The following STXBP2 variants were observed in gnomAD, a reference collection of about 807,000 sequenced individuals.
The protein encoded by STXBP2 is syntaxin-binding protein 2.
In STXBP2, 47 loss-of-function variants were observed where a neutral mutation model predicts 72.2. That is an observed-to-expected ratio of 0.65 (90% CI 0.51 to 0.83). The LOEUF (loss-of-function observed/expected upper bound fraction) is 0.83, where lower values mean the gene tolerates loss of function less well. STXBP2 is among the 40% of genes least tolerant of loss of function. STXBP2 has a pLI of 0.00. For missense variants in STXBP2, 702 were observed against 807.6 expected, an observed-to-expected ratio of 0.87 and a Z score of 1.58; for synonymous variants, 367 against 338.7, an observed-to-expected ratio of 1.08 and a Z score of -0.92.
chr19:7,634,672 T>TA (rs796868414), upstream of STXBP2, among the ~76,000 whole-genome samples: 1 of 151,926 alleles, frequency 6.6e-6, no homozygotes, highest in African/African-American at 2.4e-5. Context: ...GCTGAGCCTT[T>TA]AAAATTTTTT....
At chr19:7,644,435 G>T (rs2032046022) in intron 13 of STXBP2, 179 bp from the exon 14 acceptor site, 3 of 766,576 alleles carry the variant, frequency 3.9e-6, no homozygotes, top group South Asian at 1.7e-5. Context: ...TGGGTGAGGA[G>T]CAGGGCCTGT....
chr19:7,633,538 G>A (rs575143444), upstream of STXBP2: 1 of 1,412,010 alleles, frequency 7.1e-7, no homozygotes, highest in Non-Finnish European at 9.8e-7. Context: ...TCCAGGACGT[G>A]GGGGTGTGGA....
chr19:7,633,893 C>G, upstream of STXBP2: 1 of 172,754 alleles, frequency 5.8e-6, no homozygotes. Context: ...CTGCCACCTG[C>G]AGTCGGTACA....
intron 4 of STXBP2, 177 bp from the exon 5 acceptor site, chr19:7,640,554 C>A (rs1255558216): frequency 6.7e-6 from 5 of 745,540 alleles, no homozygotes; most frequent in Non-Finnish European, 1.2e-5. Flanking sequence ...GTGCGTGCAT[C>A]TGTGTGTGTG....
At chr19:7,631,984 G>T, upstream of STXBP2, 1 of 601,176 alleles carries the variant, frequency 1.7e-6, no homozygotes, top group Non-Finnish European at 2.6e-6. Flanking sequence ...GAGGTGGCAG[G>T]TCTTGGGGCC....
In STXBP2 at chr19:7,642,377, G is replaced by C. The variant is rs758728722; in HGVS notation, c.794+44G>C. On this transcript the variant is annotated intron_variant, in intron 9 of 18. Transcript: ENST00000221283. The surrounding 1 kb of genome is among the most constrained non-coding windows in gnomAD (Gnocchi z 6.0). ...CGTCCCCACCCTTGCCACTGACCTGGTTCCCCAGTCCTCAGCTCCCCTGAC... is the reference window on the plus strand; with the variant it reads ...CGTCCCCACCCTTGCCACTGACCTGCTTCCCCAGTCCTCAGCTCCCCTGAC... The C allele has an allele frequency of 2.5e-6, 4 of 1,613,386 alleles. No individual in the cohort carries two copies. In the South Asian group the frequency reaches 4.4e-5, roughly 18 times the overall value.
chr19:7,640,184 G>A (rs1449702527), intron 4 of STXBP2: 1 of 554,746 alleles, frequency 1.8e-6, no homozygotes, highest in South Asian at 1.5e-5. Flanking sequence ...GTCTGTCTGT[G>A]TGCATGTGTG....
In STXBP2 at chr19:7,641,770, C is replaced by T. The variant is rs2303116; in HGVS notation, c.495C>T (p.Arg165=). The T allele has an allele frequency of 2.9e-3, 4,529 of 1,552,168 alleles. 120 individuals carry two copies. In the East Asian group the frequency reaches 0.053, roughly 18 times the overall value. Residue 165 remains arginine (R), a synonymous_variant, in exon 7 of 19, where the codon CGC becomes CGT. Coordinates refer to ENST00000221283, the MANE Select transcript of STXBP2 (RefSeq NM_006949.4). Reference sequence around the variant, plus strand: ...ACTGCCCCTTCCGGGCAGAGGAGCGCACGCGGCAGCTCGAGGTGCTGGCCC... The same window carrying T: ...ACTGCCCCTTCCGGGCAGAGGAGCGTACGCGGCAGCTCGAGGTGCTGGCCC... ...NLYCPFRAEE[R]TRQLEVLAQQ... is the part of the protein sequence containing the mutation.
intron 4 of STXBP2, chr19:7,640,313 C>A: frequency 2.0e-6 from 1 of 510,558 alleles, no homozygotes; most frequent in Non-Finnish European, 3.7e-6. Context: ...TATGTGTGTG[C>A]ATCTGTGTGT....
chr19:7,632,598 C>T, upstream of STXBP2: 1 of 1,593,330 alleles, frequency 6.3e-7, no homozygotes, highest in Non-Finnish European at 8.5e-7. This position sits in a 1 kb window ranked among gnomAD's most constrained non-coding sequence, Gnocchi z 5.2. Context: ...CACACAGATG[C>T]TTCAGGGTGC....
intron 6 of STXBP2, 125 bp downstream of exon 6, chr19:7,641,128 G>A: frequency 1.0e-6 from 1 of 1,001,728 alleles, no homozygotes; most frequent in Non-Finnish European, 1.5e-6. Context: ...GCTGTGGGAG[G>A]CCAGGGCAGG....
intron 15 of STXBP2, among the ~76,000 whole-genome samples, chr19:7,645,749 T>TC (rs1568470685): frequency 6.6e-6 from 1 of 151,716 alleles, no homozygotes; most frequent in Non-Finnish European, 1.5e-5. Flanking sequence ...GCCCTGTGCG[T>TC]CCCCCTCCAG....
chr19:7,645,921 CCT>C (rs1319993860), intron 15 of STXBP2: 4 of 458,364 alleles, frequency 8.7e-6, no homozygotes, highest in Admixed American at 3.8e-5. Flanking sequence ...TCCCCATCTT[CCT>C]CTCTCTGTTT....
upstream of STXBP2, among the ~76,000 whole-genome samples, chr19:7,634,118 T>G (rs148908352): frequency 0.015 from 2,275 of 152,246 alleles, 24 homozygotes; most frequent in South Asian, 0.041. Context: ...CCACACCACC[T>G]AAATGCCAGG....
intron 15 of STXBP2, chr19:7,645,945 TC>T: frequency 2.0e-6 from 1 of 497,818 alleles, no homozygotes; most frequent in South Asian, 2.4e-5. Context: ...CTGCTTCATC[TC>T]TTGTCTCTCT....
chr19:7,631,541 C>T, the STXBP2 span: 6 of 1,536,070 alleles, frequency 3.9e-6, no homozygotes, highest in Non-Finnish European at 5.2e-6. Context: ...TTCGCGACGC[C>T]CAGCAGAACT....
chr19:7,642,047 A>C lies in STXBP2; in HGVS notation c.592A>C (p.Thr198Pro), dbSNP rs760187284. ...CCTCCCCGCCAGGGGCCCAGAGGAC[A>C]CAGCCCAGTTGGCCCACGCCGTCCT... ...AIRYRKGPEDTAQLAHAVLAK... is the reference protein window; with the variant it reads ...AIRYRKGPEDPAQLAHAVLAK... The change falls in exon 8 of 19, where the codon ACA becomes CCA. Residue 198 changes from threonine (T) to proline (P), a missense_variant. Physicochemically the swap from Thr to Pro is conservative, Grantham distance 38. Coordinates refer to ENST00000221283, the MANE Select transcript of STXBP2 (RefSeq NM_006949.4). This position sits in a 1 kb window ranked among gnomAD's most constrained non-coding sequence, Gnocchi z 6.0. The C allele has an allele frequency of 6.2e-7, 1 of 1,614,054 alleles. No individual in the cohort carries two copies. The highest frequency in any genetic ancestry group is 2.2e-5 in the East Asian group (1 of 44,880).
At chr19:7,641,270 T>C (rs1040108587) in intron 6 of STXBP2, 61 of 535,250 alleles carry the variant, frequency 1.1e-4, no homozygotes, top group Non-Finnish European at 1.9e-4. Flanking sequence ...CTCATGGGGC[T>C]GGGGTGGGAG....
Position 7,644,652 on chromosome 19 carries a change from C to T in STXBP2, c.1146C>T (p.Ile382=), listed in dbSNP as rs776848436. 1.2e-6 allele frequency: 2 copies of T among 1,613,602 alleles called. No homozygotes were observed. Among genetic ancestry groups the T allele is most frequent in the South Asian group, 2.2e-5 (2 of 91,086 alleles). The change falls in exon 14 of 19, where the codon ATC becomes ATT. Residue 382 remains isoleucine, a synonymous_variant. Transcript: ENST00000221283. ...GCTCCGACGCAGAGGGGGAGAAGATCAAGGACTCCATGAAGCTGATCGTTC... is the reference window on the plus strand; with the variant it reads ...GCTCCGACGCAGAGGGGGAGAAGATTAAGGACTCCATGAAGCTGATCGTTC... ...AMGSDAEGEK[I]KDSMKLIVPV...
Sources: gnomAD v4.1 joint callset for allele counts (sites outside exome capture counted in the v4.1 genomes callset) on GRCh38, gnomAD v4.1.1 for gene constraint, Gnocchi (gnomAD v3.1) non-coding constraint, MANE v1.5 for transcripts, NCBI Gene and HGNC (gene_info 2026-07-23, HGNC 2026-07-21) for gene names.